The following SHROOM4 variants were observed in gnomAD, a reference collection of about 807,000 sequenced individuals.
SHROOM4 encodes protein Shroom4.
SHROOM4 carries 17 observed loss-of-function variants against 80.3 expected under a neutral mutation model. The observed-to-expected ratio is 0.21, with a 90% CI of 0.14 to 0.32. The LOEUF (loss-of-function observed/expected upper bound fraction) is 0.32, where lower values mean the gene tolerates loss of function less well. Among genes scored for constraint, SHROOM4 ranks in the 10% least tolerant of loss-of-function variants. SHROOM4 has a pLI of 1.00. For synonymous variants in SHROOM4, 400 were observed against 437.5 expected, an observed-to-expected ratio of 0.91 and a Z score of 1.07; for missense variants, 993 against 1,140.3, an observed-to-expected ratio of 0.87 and a Z score of 1.86.
chrX:50,739,147 G>T (rs2147565995), intron 1 of SHROOM4, among the ~76,000 whole-genome samples: 1 of 110,398 alleles, frequency 9.1e-6, no homozygotes, highest in South Asian at 3.9e-4. Flanking sequence ...GCTGAAACTG[G>T]ATCCCTTCCT....
At chrX:50,638,545 A>G (rs1931458731) in intron 2 of SHROOM4, among the ~76,000 whole-genome samples, 1 of 112,541 alleles carries the variant, frequency 8.9e-6, no homozygotes, top group African/African-American at 3.2e-5. Flanking sequence ...CTGAGCACGT[A>G]TCACAGTGCT....
chrX:50,716,016 G>T (rs150776853), intron 1 of SHROOM4, among the ~76,000 whole-genome samples: 6,320 of 110,560 alleles, frequency 0.057, 453 homozygotes, highest in African/African-American at 0.2. Flanking sequence ...GAAACACTAT[G>T]CAACCTTAAA....
intron 6 of SHROOM4, among the ~76,000 whole-genome samples, chrX:50,603,903 G>A (rs1054932656): frequency 9.0e-6 from 1 of 111,446 alleles, no homozygotes; most frequent in African/African-American, 3.3e-5. Flanking sequence ...GGGGTGGCCC[G>A]CCCTCACTAT....
chrX:50,607,917 C>A lies in SHROOM4; in HGVS notation c.3225G>T (p.Gln1075His). 3 of 1,211,888 alleles carry A rather than the reference C, an allele frequency of 2.5e-6. No individual in the cohort carries two copies. Among genetic ancestry groups the A allele is most frequent in the South Asian group, 3.5e-5 (2 of 56,935 alleles). ...LAPQSTRAWG[Q>H]HRRELFSKGD... ...CTTTGCTAAAGAGCTCCCTCCTATG[C>A]TGCCCCCAGGCCCGGGTGCTTTGGG... is the stretch of plus-strand genomic sequence containing the variant. The change falls in exon 6 of 9, where the codon CAG (glutamine) becomes CAT (histidine). Residue 1075 changes from glutamine (Q) to histidine (H), a missense_variant. Coordinates refer to ENST00000376020, the MANE Select transcript of SHROOM4 (RefSeq NM_020717.5).
intron 1 of SHROOM4, among the ~76,000 whole-genome samples, chrX:50,784,511 T>G (rs1238680847): frequency 9.0e-6 from 1 of 111,574 alleles, no homozygotes; most frequent in East Asian, 2.8e-4. Flanking sequence ...AATTGGATGT[T>G]CATATGCAAC....
intron 1 of SHROOM4, among the ~76,000 whole-genome samples, chrX:50,757,379 TGACTA>T (rs1242649767): frequency 8.9e-6 from 1 of 112,310 alleles, no homozygotes; most frequent in Non-Finnish European, 1.9e-5. Context: ...CACACTGACT[TGACTA>T]TTGTGGCCTT....
In SHROOM4 at chrX:50,596,737, T is replaced by A. The variant is rs782238654; in HGVS notation, c.4440A>T (p.Lys1480Asn). The change falls in exon 9 of 9, where the codon AAA (lysine) becomes AAT (asparagine). Residue 1480 changes from lysine to asparagine, a missense_variant. Lys to Asn is a moderately conservative substitution (Grantham distance 94). Transcript: ENST00000376020. Reference protein sequence around the residue: ...EKIKLGEEQLKCLRESLLLGP... With the variant: ...EKIKLGEEQLNCLRESLLLGP... ...CCAGGAGTAGACTCTCCCTGAGACATTTGAGTTGCTCTTCCCCGAGCTTGA... is the reference window on the plus strand; with the variant it reads ...CCAGGAGTAGACTCTCCCTGAGACAATTGAGTTGCTCTTCCCCGAGCTTGA... 1.7e-6 allele frequency: 2 copies of A among 1,211,724 alleles called. No individual in the cohort carries two copies. Among genetic ancestry groups the A allele is most frequent in the Non-Finnish European group, 2.2e-6 (2 of 895,559 alleles).
intron 1 of SHROOM4, among the ~76,000 whole-genome samples, chrX:50,750,177 C>T (rs781841730): frequency 8.9e-6 from 1 of 112,217 alleles, no homozygotes; most frequent in Non-Finnish European, 1.9e-5. Context: ...GCCATATGTG[C>T]CAGCTCACCT....
At chrX:50,709,329 G>A (rs1394731530) in intron 1 of SHROOM4, among the ~76,000 whole-genome samples, 1 of 111,962 alleles carries the variant, frequency 8.9e-6, no homozygotes, top group Non-Finnish European at 1.9e-5. Flanking sequence ...CATGCATATG[G>A]GAACAATATT....
At chrX:50,696,689 A>G (rs1557263088) in intron 1 of SHROOM4, among the ~76,000 whole-genome samples, 1 of 112,446 alleles carries the variant, frequency 8.9e-6, no homozygotes, top group African/African-American at 3.2e-5. Context: ...TGCCCAGCAC[A>G]GTGCTTCTAG....
intron 1 of SHROOM4, among the ~76,000 whole-genome samples, chrX:50,749,279 A>T (rs1192910676): frequency 1.8e-5 from 2 of 112,119 alleles, no homozygotes; most frequent in African/African-American, 6.5e-5. Context: ...GATACCAAAT[A>T]AAGCCTAATG....
intron 1 of SHROOM4, among the ~76,000 whole-genome samples, chrX:50,813,120 T>C (rs1174585134): frequency 2.8e-5 from 3 of 107,529 alleles, no homozygotes; most frequent in African/African-American, 1.0e-4. Context: ...CACAGACTCC[T>C]AAAACAAACA....
chrX:50,667,418 T>C (rs1932724557), intron 2 of SHROOM4, among the ~76,000 whole-genome samples: 1 of 110,957 alleles, frequency 9.0e-6, no homozygotes, highest in Non-Finnish European at 1.9e-5. Flanking sequence ...TATGGGGAGG[T>C]AATACTTATA....
intron 1 of SHROOM4, among the ~76,000 whole-genome samples, chrX:50,757,879 T>G (rs2147618365): frequency 9.0e-6 from 1 of 110,648 alleles, no homozygotes; most frequent in African/African-American, 3.3e-5. Flanking sequence ...AATTTGTAGA[T>G]CCATCTGGGA....
intron 1 of SHROOM4, among the ~76,000 whole-genome samples, chrX:50,777,138 C>A (rs782247493): frequency 9.0e-6 from 1 of 111,553 alleles, no homozygotes; most frequent in Admixed American, 9.6e-5. Context: ...GTAGTCACAC[C>A]TGTTGCTGAT....
chrX:50,709,924 T>G (rs1339192562), intron 1 of SHROOM4, among the ~76,000 whole-genome samples: 2 of 111,882 alleles, frequency 1.8e-5, no homozygotes, highest in African/African-American at 6.5e-5. Context: ...GTAATCTGTG[T>G]TTTAATCCCT....
chrX:50,728,202 A>G (rs781844784), intron 1 of SHROOM4, among the ~76,000 whole-genome samples: 106 of 110,747 alleles, frequency 9.6e-4, no homozygotes, highest in African/African-American at 2.9e-3. Flanking sequence ...TACTAAAAAT[A>G]CAAAAAATTA....
intron 1 of SHROOM4, among the ~76,000 whole-genome samples, chrX:50,786,693 G>C (rs1302473169): frequency 9.0e-6 from 1 of 111,526 alleles, no homozygotes; most frequent in Non-Finnish European, 1.9e-5. Flanking sequence ...TGAAGACTGG[G>C]ATAGGTAGCC....
intron 2 of SHROOM4, among the ~76,000 whole-genome samples, chrX:50,653,278 C>T (rs1343739014): frequency 1.8e-5 from 2 of 111,264 alleles, no homozygotes; most frequent in South Asian, 3.8e-4. Flanking sequence ...TGAGGTCCTT[C>T]GCATCCCTTG....
Sources: allele counts gnomAD v4.1 joint callset (sites outside exome capture counted in the v4.1 genomes callset), GRCh38; gene constraint gnomAD v4.1.1; transcripts MANE v1.5; gene names NCBI Gene and HGNC (gene_info 2026-07-23, HGNC 2026-07-21).